Variants in SHC3 observed in about 807,000 individuals in gnomAD.
SHC3 encodes the protein SHC adaptor protein 3, also known as SHC-transforming protein 3.
SHC3 carries 15 observed loss-of-function variants against 60.4 expected under a neutral mutation model. That is an observed-to-expected ratio of 0.25 (90% CI 0.17 to 0.38). SHC3 has a LOEUF of 0.38. Ranked by LOEUF, SHC3 falls within the 10% of genes least tolerant of loss-of-function variation. The pLI is 1.00. For missense variants in SHC3, 677 were observed against 786.1 expected (o/e 0.86, Z 1.66); for synonymous variants, 294 against 325.9 (o/e 0.90, Z 1.05).
chr9:89,166,885 T>G (rs1039498756), intron 1 of SHC3, among the ~76,000 whole-genome samples: 18 of 152,184 alleles, frequency 1.2e-4, no homozygotes, highest in African/African-American at 4.1e-4. Flanking sequence ...CAGCACCTTC[T>G]AATGACTGTA....
chr9:89,149,464 G>A (rs530547880), intron 1 of SHC3, among the ~76,000 whole-genome samples: 11 of 152,166 alleles, frequency 7.2e-5, no homozygotes, highest in Admixed American at 3.3e-4. Context: ...TGAAGAAGAG[G>A]CATGATCAAT....
In SHC3 at chr9:89,099,937, A is replaced by G. The variant is rs187786846; in HGVS notation, c.545+12619T>C. 1.3e-3 allele frequency among the ~76,000 whole-genome samples: 205 copies of G among 152,360 alleles called. 2 individuals are homozygous for G. Among genetic ancestry groups the G allele is most frequent in the Admixed American group, 0.013 (193 of 15,304 alleles). On this transcript the variant is annotated intron_variant, in intron 2 of 11. Coordinates refer to ENST00000375835, the MANE Select transcript of SHC3 (RefSeq NM_016848.6). ...ATGAATACATTTTGATTCACAAGAC[A>G]TAGTTATTTTCTCTGAATTTCATGC...
intron 1 of SHC3, among the ~76,000 whole-genome samples, chr9:89,113,757 A>AATTACTTGAATAATTCC (rs1825983748): frequency 6.6e-6 from 1 of 152,226 alleles, no homozygotes; most frequent in Admixed American, 6.5e-5. Context: ...ATCATCATGG[A>AATTACTTGAATAATTCC]ATTACTTGAA....
intron 1 of SHC3, among the ~76,000 whole-genome samples, chr9:89,117,175 C>A (rs1328837551): frequency 1.3e-5 from 2 of 152,190 alleles, no homozygotes; most frequent in African/African-American, 2.4e-5. Flanking sequence ...ATATTACCAG[C>A]AACACCACCT....
intron 11 of SHC3, among the ~76,000 whole-genome samples, chr9:89,035,830 A>AAAAATATATATAT (rs1432811585): frequency 9.4e-6 from 1 of 106,440 alleles, no homozygotes; most frequent in Admixed American, 1.1e-4. Flanking sequence ...AAACAAACAA[A>AAAAATATATATAT]ATATATATAT....
At chr9:89,022,238 A>G (rs1826213849) in intron 11 of SHC3, among the ~76,000 whole-genome samples, 1 of 151,884 alleles carries the variant, frequency 6.6e-6, no homozygotes, top group South Asian at 2.1e-4. Flanking sequence ...TCGGGGCTCC[A>G]GGAGCCTAGA....
intron 11 of SHC3, among the ~76,000 whole-genome samples, chr9:89,031,598 C>G (rs1292394394): frequency 6.6e-6 from 1 of 152,150 alleles, no homozygotes; most frequent in Non-Finnish European, 1.5e-5. Flanking sequence ...GAATTATGCT[C>G]TATTGTATGG....
chr9:89,094,517 T>C (rs908413577), intron 2 of SHC3, among the ~76,000 whole-genome samples: 10 of 152,214 alleles, frequency 6.6e-5, no homozygotes, highest in Admixed American at 2.0e-4. Flanking sequence ...GTAGAAGTAA[T>C]AACAGCCACA....
chr9:89,014,517 G>A (rs986976770), intron 11 of SHC3, among the ~76,000 whole-genome samples: 2 of 152,116 alleles, frequency 1.3e-5, no homozygotes, highest in South Asian at 4.1e-4. Context: ...ATGCTCGAGG[G>A]TCAGCTGAAT....
At chr9:89,072,712 C>T (rs1324142846) in intron 4 of SHC3, among the ~76,000 whole-genome samples, 6 of 151,944 alleles carry the variant, frequency 3.9e-5, no homozygotes, top group African/African-American at 7.3e-5. Flanking sequence ...AGTAAATTTC[C>T]GGGGGTGAGA....
intron 1 of SHC3, among the ~76,000 whole-genome samples, chr9:89,129,449 T>G (rs1826210892): frequency 6.6e-6 from 1 of 152,100 alleles, no homozygotes; most frequent in South Asian, 2.1e-4. Context: ...CCAAGACACA[T>G]AATTGTTAGA....
chr9:89,160,485 C>T (rs1372054734), intron 1 of SHC3, among the ~76,000 whole-genome samples: 1 of 152,212 alleles, frequency 6.6e-6, no homozygotes, highest in East Asian at 1.9e-4. Context: ...GCCTCTTTAA[C>T]AACCTGCAAT....
intron 5 of SHC3, among the ~76,000 whole-genome samples, chr9:89,069,168 G>C (rs1274665636): frequency 6.6e-6 from 1 of 152,128 alleles, no homozygotes; most frequent in African/African-American, 2.4e-5. Flanking sequence ...AGTTAGCCAG[G>C]CATGGTGGTG....
chr9:89,165,511 T>C (rs1826773753), intron 1 of SHC3, among the ~76,000 whole-genome samples: 2 of 124,782 alleles, frequency 1.6e-5, no homozygotes, highest in Non-Finnish European at 1.6e-5. Context: ...CAGTAGTTTA[T>C]TGCAATCATC....
chr9:89,020,662 T>G (rs1054721309), intron 11 of SHC3, among the ~76,000 whole-genome samples: 1 of 152,028 alleles, frequency 6.6e-6, no homozygotes, highest in Non-Finnish European at 1.5e-5. Flanking sequence ...TCATGTGCAG[T>G]AGGAGATGCA....
chr9:89,106,620 C>T (rs1009286915), intron 2 of SHC3, among the ~76,000 whole-genome samples: 4 of 152,254 alleles, frequency 2.6e-5, no homozygotes, highest in East Asian at 1.9e-4. Flanking sequence ...GCGCCCACAG[C>T]GGGACCCTGC....
At chr9:89,142,223 C>T (rs529208122) in intron 1 of SHC3, among the ~76,000 whole-genome samples, 21 of 152,198 alleles carry the variant, frequency 1.4e-4, no homozygotes, top group Non-Finnish European at 2.2e-4. Flanking sequence ...TTAAGTTGGG[C>T]CTTGAACCCA....
At chr9:89,141,981 A>G (rs762991159) in intron 1 of SHC3, among the ~76,000 whole-genome samples, 10 of 152,318 alleles carry the variant, frequency 6.6e-5, no homozygotes, top group Middle Eastern at 6.8e-3. Context: ...CTTTTCCAGC[A>G]GTTCCATCAG....
At chr9:89,077,803 G>C in intron 3 of SHC3, 37 bp downstream of exon 3, 2 of 1,612,026 alleles carry the variant, frequency 1.2e-6, no homozygotes, top group Non-Finnish European at 1.7e-6. Flanking sequence ...AGGAAGTAGA[G>C]GAGACACAGT....
Sources: allele counts gnomAD v4.1 joint callset (sites outside exome capture counted in the v4.1 genomes callset), GRCh38; gene constraint gnomAD v4.1.1; transcripts MANE v1.5; gene names NCBI Gene and HGNC (gene_info 2026-07-23, HGNC 2026-07-21).